Variants in TRIP13 observed in about 807,000 individuals in gnomAD.
TRIP13 encodes pachytene checkpoint protein 2 homolog.
In TRIP13, 25 loss-of-function variants were observed where a neutral mutation model predicts 54.4. That is an observed-to-expected ratio of 0.46 (90% CI 0.33 to 0.64). TRIP13 has a LOEUF of 0.64. Ranked by LOEUF, TRIP13 falls within the 30% of genes least tolerant of loss-of-function variation. The probability of loss-of-function intolerance (pLI) is 0.02; values close to 1 mark genes in which losing one functional copy is unlikely to be tolerated. For missense variants in TRIP13, 373 were observed against 534.2 expected (o/e 0.70, Z 2.97); for synonymous variants, 207 against 207.8 (o/e 1.00, Z 0.03).
chr5:909,909 T>A (rs554362820), intron 9 of TRIP13, among the ~76,000 whole-genome samples: 49 of 152,368 alleles, frequency 3.2e-4, no homozygotes, highest in African/African-American at 1.2e-3. Flanking sequence ...AGGTGTCCCT[T>A]GCCCTCATTC....
intron 2 of TRIP13, among the ~76,000 whole-genome samples, chr5:896,443 A>G (rs1365923088): frequency 3.3e-5 from 5 of 152,242 alleles, no homozygotes; most frequent in Admixed American, 6.5e-5. Context: ...TTCATTCTGT[A>G]AGTAAATGTA....
chr5:897,145 A>G (rs1207871623), intron 3 of TRIP13, among the ~76,000 whole-genome samples: 1 of 151,276 alleles, frequency 6.6e-6, no homozygotes, highest in Non-Finnish European at 1.5e-5. Context: ...CCACGGCTTC[A>G]TTCAGTCAGT....
rs576346472 is a variant in TRIP13, at chr5:916,210, A to T, written c.1203+237A>T. Among the ~76,000 whole-genome samples, 6 of 152,258 alleles carry T rather than the reference A, an allele frequency of 3.9e-5. No homozygotes were observed. In the East Asian group the frequency reaches 1.2e-3, roughly 29 times the overall value. On this transcript the variant is annotated intron_variant, in intron 12 of 12. Transcript: ENST00000166345. Reference sequence around the variant, plus strand: ...TGCTCACACGCATGCATGCACACACATGCACGTCTGCCTCTGTGGTGTGCT... The same window carrying T: ...TGCTCACACGCATGCATGCACACACTTGCACGTCTGCCTCTGTGGTGTGCT...
intron 1 of TRIP13, 137 bp from the exon 2 acceptor site, chr5:894,650 C>G: frequency 1.0e-6 from 1 of 997,900 alleles, no homozygotes; most frequent in Non-Finnish European, 1.4e-6. Context: ...AGATTTGGTC[C>G]CAGGCAGGCC....
At chr5:894,755 T>A in intron 1 of TRIP13, 32 bp from the exon 2 acceptor site, 1 of 1,574,308 alleles carries the variant, frequency 6.4e-7, no homozygotes, top group Non-Finnish European at 8.6e-7. Context: ...TGAACTAAGA[T>A]CATTTATGTG....
At chr5:894,071 A>G (rs1252493634) in intron 1 of TRIP13, among the ~76,000 whole-genome samples, 1 of 152,096 alleles carries the variant, frequency 6.6e-6, no homozygotes, top group Admixed American at 6.6e-5. Context: ...ACACAACCGC[A>G]CTATGCATGG....
Position 907,239 on chromosome 5 carries a change from A to G in TRIP13, c.672+46A>G, listed in dbSNP as rs377671916. 4.6e-5 allele frequency: 71 copies of G among 1,540,696 alleles called. No individual in the cohort carries two copies. Among genetic ancestry groups the G allele is most frequent in the Non-Finnish European group, 6.1e-5 (68 of 1,115,750 alleles). On this transcript the variant is annotated intron_variant, in intron 7 of 12. Transcript: ENST00000166345. The surrounding 1 kb of genome is among the most constrained non-coding windows in gnomAD (Gnocchi z 4.1). ...CTAATTGTCTGGATTGTATAGCTGA[A>G]AAAATGTCTTGTATGTTAGGCAAAT...
At chr5:904,511 C>G (rs1754066538) in intron 6 of TRIP13, among the ~76,000 whole-genome samples, 2 of 152,076 alleles carry the variant, frequency 1.3e-5, no homozygotes, top group African/African-American at 2.4e-5. Context: ...TTTGTCTTTT[C>G]CTCTTGAGTT....
chr5:896,826 C>T, intron 3 of TRIP13, 32 bp downstream of exon 3: 2 of 1,606,252 alleles, frequency 1.2e-6, no homozygotes, highest in Non-Finnish European at 1.7e-6. Flanking sequence ...GAAGGGGAGG[C>T]TGAGGTCAGA....
intron 2 of TRIP13, among the ~76,000 whole-genome samples, chr5:896,201 T>C (rs565388987): frequency 1.4e-4 from 21 of 152,308 alleles, no homozygotes; most frequent in Middle Eastern, 6.8e-3. Flanking sequence ...TAGTGTCAGC[T>C]ACTCAGAAGG....
Position 894,996 on chromosome 5 carries a change from CA to C in TRIP13, c.258+48del, listed in dbSNP as rs66843001. 239,863 of 1,556,302 alleles carry C rather than the reference CA, an allele frequency of 0.15. 37,006 individuals carry two copies. Among genetic ancestry groups the C allele is most frequent in the African/African-American group, 0.77 (55,995 of 72,498 alleles). ...GGGCCAAGGAACAGTTAGCTGAATA[CA>C]AAAGGTTGTATCATGAATGTCTTGC... is the stretch of plus-strand genomic sequence containing the variant. On this transcript the variant is annotated intron_variant, in intron 2 of 12. Coordinates refer to ENST00000166345, the MANE Select transcript of TRIP13 (RefSeq NM_004237.4).
intron 6 of TRIP13, among the ~76,000 whole-genome samples, chr5:905,324 C>T (rs893869748): frequency 2.0e-5 from 3 of 152,172 alleles, no homozygotes; most frequent in Admixed American, 6.5e-5. Flanking sequence ...ACCACGGGCG[C>T]CCTTTACATA....
chr5:894,948 C>G lies in TRIP13; in HGVS notation c.254C>G (p.Ser85Ter). ...GACACAGAATTAAAGGTTAAAGACT[C>G]ACAGGTAAGTTACTAATTTGCTGGG... ...IIDTELKVKD[S>*]QPIDLSACTV... is the part of the protein sequence containing the mutation. The change falls in exon 2 of 13, where the codon TCA becomes TGA. Residue 85 changes from serine (S) to a stop codon, truncating the protein, a stop_gained. Coordinates refer to ENST00000166345, the MANE Select transcript of TRIP13 (RefSeq NM_004237.4). LOFTEE classifies it high-confidence loss of function. 6.2e-7 allele frequency: 1 copy of G among 1,603,328 alleles called. No individual in the cohort carries two copies. The highest frequency in any genetic ancestry group is 8.5e-7 in the Non-Finnish European group (1 of 1,176,224).
chr5:916,056 G>T, intron 12 of TRIP13, 83 bp downstream of exon 12: 1 of 1,367,948 alleles, frequency 7.3e-7, no homozygotes, highest in Non-Finnish European at 1.0e-6. Flanking sequence ...TAGCCCTGGG[G>T]TATCAGCCTC....
In TRIP13 at chr5:900,660, C is replaced by T. The variant is rs1753965257; in HGVS notation, c.444+111C>T. 5 of 1,131,958 alleles carry T rather than the reference C, an allele frequency of 4.4e-6. No homozygotes were observed. The Admixed American group carries it at 1.3e-4, about 29-fold the overall frequency. The allele number at this position is 1,131,958 out of a possible 1,614,324, so 70.1% of individuals were successfully genotyped here. A position where few individuals can be genotyped will look rare whatever the true frequency, so the allele number is the denominator to read the frequency against. Reference sequence around the variant, plus strand: ...TGATGCAGATGGGTTTTTGGGAGCCCCTGTCTGCTGGCAGCCCTTGTCCTG... The same window carrying T: ...TGATGCAGATGGGTTTTTGGGAGCCTCTGTCTGCTGGCAGCCCTTGTCCTG... On this transcript the variant is annotated intron_variant, in intron 4 of 12. Coordinates refer to ENST00000166345, the MANE Select transcript of TRIP13 (RefSeq NM_004237.4).
rs1754171001 is a variant in TRIP13, at chr5:908,788, C to T, written c.866+327C>T. ...CCTGGCTGACACGGTGAAACCCTGT[C>T]TCTACTAAAAATACAAAAAATTAGC... On this transcript the variant is annotated intron_variant, in intron 9 of 12. Transcript: ENST00000166345. The surrounding 1 kb of genome is among the most constrained non-coding windows in gnomAD (Gnocchi z 5.2). 1 of 580,262 alleles carries T rather than the reference C, an allele frequency of 1.7e-6. No individual in the cohort carries two copies. The highest frequency in any genetic ancestry group is 2.4e-6 in the Non-Finnish European group (1 of 419,024). The allele number at this position is 580,262 out of a possible 1,614,324, so 35.9% of individuals were successfully genotyped here.
intron 12 of TRIP13, 36 bp from the exon 13 acceptor site, chr5:916,972 G>T: frequency 6.2e-7 from 1 of 1,602,746 alleles, no homozygotes; most frequent in Non-Finnish European, 8.5e-7. Flanking sequence ...CCAAACGTGA[G>T]TTGAGCCCCT....
intron 3 of TRIP13, among the ~76,000 whole-genome samples, 185 bp downstream of exon 3, chr5:896,979 A>T (rs542763831): frequency 6.6e-6 from 1 of 152,374 alleles, no homozygotes; most frequent in South Asian, 2.1e-4. Flanking sequence ...GTGTGGGACC[A>T]TACTGTTCCT....
In TRIP13 at chr5:915,696, GC is replaced by G. The variant is rs1447909671; in HGVS notation, c.1134-204del. 2.0e-5 allele frequency among the ~76,000 whole-genome samples: 3 copies of G among 152,184 alleles called. No homozygotes were observed. The highest frequency in any genetic ancestry group is 1.3e-4 in the Admixed American group (2 of 15,286). On this transcript the variant is annotated intron_variant, in intron 11 of 12. Transcript: ENST00000166345. This position sits in a 1 kb window ranked among gnomAD's most constrained non-coding sequence, Gnocchi z 4.2. ...AGGAGCTGAGGATGGGGAGAGACCG[GC>G]CCCATACGAGAGGCCGGGGGCAAAG... is the stretch of plus-strand genomic sequence containing the variant.
Sources: gnomAD v4.1 joint callset for allele counts (sites outside exome capture counted in the v4.1 genomes callset) on GRCh38, gnomAD v4.1.1 for gene constraint, Gnocchi (gnomAD v3.1) non-coding constraint, MANE v1.5 for transcripts, NCBI Gene and HGNC (gene_info 2026-07-23, HGNC 2026-07-21) for gene names.